The following CNOT3 variants were observed in gnomAD, a reference collection of about 807,000 sequenced individuals.
CNOT3 encodes the protein CCR4-associated factor 3.
A neutral mutation model predicts 89.4 loss-of-function variants in CNOT3; 2 were observed. That is an observed-to-expected ratio of 0.02 (90% CI 0.01 to 0.07). CNOT3 has a LOEUF of 0.07. Ranked by LOEUF, CNOT3 falls within the 10% of genes least tolerant of loss-of-function variation. The pLI is 1.00. For synonymous variants in CNOT3, 486 were observed against 402.0 expected, an observed-to-expected ratio of 1.21 and a Z score of -2.50; for missense variants, 664 against 1,010.2, an observed-to-expected ratio of 0.66 and a Z score of 4.65.
chr19:54,142,870 C>T (rs587763081), intron 1 of CNOT3, 59 bp from the exon 2 acceptor site: 1 of 1,122,132 alleles, frequency 8.9e-7, no homozygotes, highest in Admixed American at 1.7e-5. Flanking sequence ...AGGTCCATGT[C>T]TCTGGGTTTT....
intron 13 of CNOT3, among the ~76,000 whole-genome samples, chr19:54,151,244 G>T (rs1238394972): frequency 6.6e-6 from 1 of 152,176 alleles, no homozygotes; most frequent in Non-Finnish European, 1.5e-5. Context: ...CGGGAACCAT[G>T]GCAAGGTTTG....
At chr19:54,149,779 C>T (rs1415131857) in intron 13 of CNOT3, 21 bp downstream of exon 13, 24 of 1,579,922 alleles carry the variant, frequency 1.5e-5, no homozygotes, top group Admixed American at 3.5e-5. Flanking sequence ...CGGACATCCC[C>T]CGAGCCTCTG....
rs1425427754 is a variant in CNOT3, at chr19:54,145,772, G to A, written c.658G>A (p.Glu220Lys). 6.2e-7 allele frequency: 1 copy of A among 1,613,726 alleles called. No individual in the cohort carries two copies. The highest frequency in any genetic ancestry group is 1.3e-5 in the African/African-American group (1 of 74,914). ...TGACTCATCCCAGGACCCCGACTTC[G>A]AGGAGAACGAGTTTCTCTACGATGA... ...YVDSSQDPDF[E>K]ENEFLYDDLD... Residue 220 changes from glutamate (E) to lysine (K), a missense_variant, in exon 8 of 18, where the codon GAG becomes AAG. This residue lies in a region of CNOT3 where 25 missense variants were observed against 69.0 expected (regional missense o/e 0.36). Coordinates refer to ENST00000221232, the MANE Select transcript of CNOT3 (RefSeq NM_014516.4). This position sits in a 1 kb window ranked among gnomAD's most constrained non-coding sequence, Gnocchi z 5.9.
At chr19:54,142,693 C>G (rs1285435140) in intron 1 of CNOT3, 2 of 584,134 alleles carry the variant, frequency 3.4e-6, no homozygotes, top group Non-Finnish European at 6.1e-6. Flanking sequence ...CAGAGGCACA[C>G]AAAAAAGTAT....
At chr19:54,138,210 T>G (rs181397046) in intron 1 of CNOT3, among the ~76,000 whole-genome samples, 13 of 151,054 alleles carry the variant, frequency 8.6e-5, no homozygotes, top group Admixed American at 6.6e-4. Flanking sequence ...TCTTTCACGT[T>G]CCTCAGCGCC....
chr19:54,141,029 T>C (rs1160016427), intron 1 of CNOT3, among the ~76,000 whole-genome samples: 8 of 152,168 alleles, frequency 5.3e-5, no homozygotes. Context: ...GTGTAAACTC[T>C]CGTTTCACAT....
chr19:54,152,125 G>T, intron 13 of CNOT3, 101 bp from the exon 14 acceptor site: 1 of 1,272,186 alleles, frequency 7.9e-7, no homozygotes. Flanking sequence ...GGCCCTCCAC[G>T]GCCCCCAAAC....
At chr19:54,153,073 G>T (rs753877270) in intron 16 of CNOT3, 74 bp downstream of exon 16, 6 of 1,521,674 alleles carry the variant, frequency 3.9e-6, no homozygotes, top group Non-Finnish European at 5.4e-6. Context: ...CCTCGGGCTG[G>T]AGGGGTGAGG....
chr19:54,153,233 A>C, intron 16 of CNOT3: 1 of 763,368 alleles, frequency 1.3e-6, no homozygotes, highest in Non-Finnish European at 2.4e-6. Flanking sequence ...CCACTGAGGC[A>C]CACCTCAGCC....
Position 54,148,361 on chromosome 19 carries a change from C to T in CNOT3, c.1108C>T (p.Pro370Ser). 6.3e-7 allele frequency: 1 copy of T among 1,576,982 alleles called. No homozygotes were observed. The highest frequency in any genetic ancestry group is 8.6e-7 in the Non-Finnish European group (1 of 1,159,490). ...APSHNSGTPA[P>S]YAQAVAPPAP... ...CAGCCACAACTCGGGCACCCCTGCT[C>T]CCTATGCCCAGGCTGTGGCCCCACC... Residue 370 changes from proline to serine, a missense_variant, in exon 11 of 18, where the codon CCC (proline) becomes TCC (serine). Around this residue, in one of 8 missense-constraint regions of CNOT3, gnomAD observed 545 missense variants for 566.2 expected, o/e 0.96. Coordinates refer to ENST00000221232, the MANE Select transcript of CNOT3 (RefSeq NM_014516.4). The surrounding 1 kb of genome is among the most constrained non-coding windows in gnomAD (Gnocchi z 6.3).
Position 54,148,761 on chromosome 19 carries a change from C to A in CNOT3, c.1406+18C>A. The A allele has an allele frequency of 6.2e-7, 1 of 1,607,610 alleles. No individual in the cohort carries two copies. Among genetic ancestry groups the A allele is most frequent in the Non-Finnish European group, 8.5e-7 (1 of 1,177,394 alleles). ...AGCACCTCGTGAGTGTCTCGGCCAT[C>A]GGCAGGGTTGGGATGGCAGCCTTTT... On this transcript the variant is annotated intron_variant, in intron 12 of 17. Coordinates refer to ENST00000221232, the MANE Select transcript of CNOT3 (RefSeq NM_014516.4). This position sits in a 1 kb window ranked among gnomAD's most constrained non-coding sequence, Gnocchi z 6.3.
chr19:54,149,764 C>A lies in CNOT3; in HGVS notation c.1605+6C>A. The A allele has an allele frequency of 6.3e-7, 1 of 1,597,480 alleles. No individual in the cohort carries two copies. The highest frequency in any genetic ancestry group is 1.7e-5 in the Admixed American group (1 of 58,508). ...GCACCGCCCCAGAAATCAAGGTGGG[C>A]TCCTCGGACATCCCCCGAGCCTCTG... On this transcript the variant is annotated splice_donor_region_variant and intron_variant, in intron 13 of 17. Coordinates refer to ENST00000221232, the MANE Select transcript of CNOT3 (RefSeq NM_014516.4).
At chr19:54,138,974 C>T (rs2074338491) in intron 1 of CNOT3, among the ~76,000 whole-genome samples, 1 of 152,316 alleles carries the variant, frequency 6.6e-6, no homozygotes, top group South Asian at 2.1e-4. Flanking sequence ...TGGGTGTGGG[C>T]GTCTCCCAGT....
intron 1 of CNOT3, among the ~76,000 whole-genome samples, chr19:54,139,052 GA>G (rs2146519828): frequency 6.6e-6 from 1 of 152,322 alleles, no homozygotes; most frequent in Admixed American, 6.5e-5. Context: ...GGTGCCTGGT[GA>G]AAGACACTAA....
intron 13 of CNOT3, among the ~76,000 whole-genome samples, chr19:54,151,981 G>A (rs1407605682): frequency 6.6e-6 from 1 of 152,216 alleles, no homozygotes; most frequent in Non-Finnish European, 1.5e-5. Context: ...TGAAAATCTC[G>A]GCGTAGTATT....
intron 13 of CNOT3, among the ~76,000 whole-genome samples, chr19:54,151,828 A>G (rs1222357042): frequency 6.6e-6 from 1 of 152,168 alleles, no homozygotes; most frequent in Non-Finnish European, 1.5e-5. Context: ...CTCCTTCAAG[A>G]CAGGCGGGAG....
In CNOT3 at chr19:54,152,285, C is replaced by T; in HGVS notation, c.1665C>T (p.Gly555=). 1.9e-6 allele frequency: 3 copies of T among 1,614,152 alleles called. No homozygotes were observed. The highest frequency in any genetic ancestry group is 2.5e-6 in the Non-Finnish European group (3 of 1,180,004). The part of the protein sequence containing the change: ...SMAERAAISS[G]IEDPVPTLHL... ...CGGAACGGGCAGCCATCAGCTCTGG[C>T]ATTGAGGACCCTGTGCCAACGCTGC... is the stretch of plus-strand genomic sequence containing the variant. The change falls in exon 14 of 18, where the codon GGC becomes GGT. Residue 555 remains glycine (G), a synonymous_variant. Coordinates refer to ENST00000221232, the MANE Select transcript of CNOT3 (RefSeq NM_014516.4).
chr19:54,153,893 A>G (rs2075279082), intron 17 of CNOT3, 53 bp downstream of exon 17: 1 of 1,612,720 alleles, frequency 6.2e-7, no homozygotes, highest in Admixed American at 1.7e-5. Context: ...TAGAGTCCCC[A>G]GGCTCCAGGC....
chr19:54,153,664 C>T (rs1287670550), intron 16 of CNOT3, 51 bp from the exon 17 acceptor site: 2 of 1,471,586 alleles, frequency 1.4e-6, no homozygotes, highest in Non-Finnish European at 1.9e-6. Context: ...CCCTGGCTCC[C>T]CACCCAGTTT....
Sources: gnomAD v4.1 joint callset for allele counts (sites outside exome capture counted in the v4.1 genomes callset) on GRCh38, gnomAD v4.1.1 for gene constraint, gnomAD v4.1.1 regional missense constraint, Gnocchi (gnomAD v3.1) non-coding constraint, MANE v1.5 for transcripts, NCBI Gene and HGNC (gene_info 2026-07-23, HGNC 2026-07-21) for gene names.